Variants in KCNC2 observed in about 807,000 individuals in gnomAD.
KCNC2 encodes the protein potassium voltage-gated channel subfamily C member 2, also known as voltage-gated potassium channel KCNC2.
A neutral mutation model predicts 44.5 loss-of-function variants in KCNC2; 21 were observed. The ratio of observed to expected loss-of-function variants is 0.47; its 90% confidence interval spans 0.33 to 0.68. KCNC2 has a LOEUF of 0.68. Ranked by LOEUF, KCNC2 falls within the 30% of genes least tolerant of loss-of-function variation. KCNC2 has a pLI of 0.01. For synonymous variants in KCNC2, 391 were observed against 339.1 expected, an observed-to-expected ratio of 1.15 and a Z score of -1.68; for missense variants, 589 against 826.2, an observed-to-expected ratio of 0.71 and a Z score of 3.52.
chr12:75,170,111 A>G (rs1002962418), intron 2 of KCNC2, among the ~76,000 whole-genome samples: 2 of 151,768 alleles, frequency 1.3e-5, no homozygotes, highest in Non-Finnish European at 3.0e-5. Context: ...TCTTTTCTCA[A>G]GGTGAAGTCA....
At chr12:75,120,393 C>A (rs555667898) in intron 2 of KCNC2, among the ~76,000 whole-genome samples, 2 of 152,158 alleles carry the variant, frequency 1.3e-5, no homozygotes, top group African/African-American at 4.8e-5. Context: ...CATACCACAA[C>A]CCTATATTCT....
chr12:75,155,280 G>C (rs542914166), intron 2 of KCNC2, among the ~76,000 whole-genome samples: 1 of 151,906 alleles, frequency 6.6e-6, no homozygotes, highest in Non-Finnish European at 1.5e-5. Flanking sequence ...ATGAATTCAA[G>C]TTTTCTCAAG....
chr12:75,070,984 G>A (rs1883342601), intron 2 of KCNC2, among the ~76,000 whole-genome samples: 1 of 151,344 alleles, frequency 6.6e-6, no homozygotes, highest in Non-Finnish European at 1.5e-5. Flanking sequence ...ATCTTGCTCA[G>A]TTTTTTATTT....
At chr12:75,161,193 T>C (rs1003483106) in intron 2 of KCNC2, among the ~76,000 whole-genome samples, 1 of 151,664 alleles carries the variant, frequency 6.6e-6, no homozygotes, top group Non-Finnish European at 1.5e-5. Flanking sequence ...AAAGGTGTCA[T>C]GAAAGCAATA....
At chr12:75,150,643 A>G (rs575581595) in intron 2 of KCNC2, among the ~76,000 whole-genome samples, 41 of 152,044 alleles carry the variant, frequency 2.7e-4, no homozygotes, top group Middle Eastern at 6.8e-3. Flanking sequence ...CAAAGCAAGA[A>G]CATCTCAAAC....
intron 2 of KCNC2, among the ~76,000 whole-genome samples, chr12:75,106,126 A>C (rs918338106): frequency 1.3e-5 from 2 of 152,142 alleles, no homozygotes; most frequent in East Asian, 3.9e-4. Context: ...GGAAAGAATG[A>C]TCAACTGTGT....
At chr12:75,079,586 A>G (rs1209042502) in intron 2 of KCNC2, among the ~76,000 whole-genome samples, 1 of 152,134 alleles carries the variant, frequency 6.6e-6, no homozygotes, top group Non-Finnish European at 1.5e-5. Flanking sequence ...TTTGATCATC[A>G]TAACTGCCCA....
chr12:75,140,443 A>G (rs968920936), intron 2 of KCNC2, among the ~76,000 whole-genome samples: 1 of 152,234 alleles, frequency 6.6e-6, no homozygotes, highest in Non-Finnish European at 1.5e-5. Context: ...AAATATAAGT[A>G]ATTTAATAGT....
chr12:75,142,954 T>C (rs1214891035), intron 2 of KCNC2, among the ~76,000 whole-genome samples: 2 of 152,168 alleles, frequency 1.3e-5, no homozygotes, highest in African/African-American at 2.4e-5. Context: ...CTCGCACTCC[T>C]TTTACTTTAA....
chr12:75,057,003 G>A (rs1311418516), intron 2 of KCNC2, among the ~76,000 whole-genome samples: 1 of 151,938 alleles, frequency 6.6e-6, no homozygotes, highest in Non-Finnish European at 1.5e-5. Flanking sequence ...TATTCCTAAT[G>A]AGAAATCCTA....
intron 2 of KCNC2, among the ~76,000 whole-genome samples, chr12:75,064,591 T>G (rs1882646648): frequency 6.6e-6 from 1 of 152,018 alleles, no homozygotes; most frequent in East Asian, 1.9e-4. Context: ...AATTATTTGT[T>G]GGTATTGTTA....
Position 75,042,683 on chromosome 12 carries a change from A to G in KCNC2, c.*422T>C. ...CCATGCAAATGAGCTGACACAAGTC[A>G]TGTCGTGTGCAATCAAGATAGGATC... On this transcript the variant is annotated 3_prime_UTR_variant, in exon 5 of 5. Transcript: ENST00000549446. 3.3e-6 allele frequency: 4 copies of G among 1,197,338 alleles called. No homozygotes were observed. The highest frequency in any genetic ancestry group is 4.2e-6 in the Non-Finnish European group (4 of 962,582). 74.2% of individuals were successfully genotyped at this position (1,197,338 alleles called of 1,614,324 possible).
intron 2 of KCNC2, among the ~76,000 whole-genome samples, chr12:75,131,768 C>T (rs1026742728): frequency 6.6e-6 from 1 of 152,038 alleles, no homozygotes; most frequent in Non-Finnish European, 1.5e-5. Context: ...TCTACAGGCA[C>T]AAAGAACTGA....
chr12:75,090,007 C>T (rs1202094499), intron 2 of KCNC2, among the ~76,000 whole-genome samples: 1 of 151,648 alleles, frequency 6.6e-6, no homozygotes. Flanking sequence ...TATAATGGTC[C>T]AGTTTAAGAC....
chr12:75,196,127 C>T (rs1014257623), intron 2 of KCNC2, among the ~76,000 whole-genome samples: 27 of 152,122 alleles, frequency 1.8e-4, no homozygotes, highest in Admixed American at 1.3e-4. Flanking sequence ...CTCACTTCTA[C>T]TGCAGATATT....
intron 2 of KCNC2, among the ~76,000 whole-genome samples, chr12:75,111,927 TC>T (rs1329377071): frequency 1.3e-5 from 2 of 151,982 alleles, no homozygotes; most frequent in African/African-American, 4.8e-5. Context: ...TTAAATATTC[TC>T]ATTGATTAAG....
chr12:75,051,426 T>G, intron 2 of KCNC2, 109 bp from the exon 3 acceptor site: 1 of 666,120 alleles, frequency 1.5e-6, no homozygotes, highest in Non-Finnish European at 2.5e-6. Context: ...TAACAGCATA[T>G]TTAGAGGTTT....
Position 75,207,463 on chromosome 12 carries a change from A to T in KCNC2, c.521T>A (p.Leu174His). 6.2e-7 allele frequency: 1 copy of T among 1,611,384 alleles called. No individual in the cohort carries two copies. Among genetic ancestry groups the T allele is most frequent in the Non-Finnish European group, 8.5e-7 (1 of 1,179,242 alleles). ...EALDIFETPD[L>H]IGGDPGDDED... ...GTCGTCGCCGGGGTCGCCGCCAATGAGGTCGGGGGTCTCGAAGATGTCCAG... is the reference window on the plus strand; with the variant it reads ...GTCGTCGCCGGGGTCGCCGCCAATGTGGTCGGGGGTCTCGAAGATGTCCAG... The change falls in exon 2 of 5, where the codon CTC becomes CAC. Residue 174 changes from leucine to histidine, a missense_variant. Coordinates refer to ENST00000549446, the MANE Select transcript of KCNC2 (RefSeq NM_139137.4). This position sits in a 1 kb window ranked among gnomAD's most constrained non-coding sequence, Gnocchi z 4.1.
chr12:75,042,116 T>C lies in KCNC2; in HGVS notation c.*989A>G. 8.0e-7 allele frequency: 1 copy of C among 1,247,322 alleles called. No homozygotes were observed. The allele number at this position is 1,247,322 out of a possible 1,614,324, so 77.3% of individuals were successfully genotyped here. A position where few individuals can be genotyped will look rare whatever the true frequency, so the allele number is the denominator to read the frequency against. On this transcript the variant is annotated 3_prime_UTR_variant, in exon 5 of 5. Transcript: ENST00000549446. The stretch of plus-strand genomic sequence containing the variant: ...GATGTTTGCACAAAAAATTAATAAA[T>C]AAAAATAAAATAAGGGGGTAAAAAA...
Sources: allele counts gnomAD v4.1 joint callset (sites outside exome capture counted in the v4.1 genomes callset), GRCh38; gene constraint gnomAD v4.1.1; non-coding constraint Gnocchi (gnomAD v3.1); transcripts MANE v1.5; gene names NCBI Gene and HGNC (gene_info 2026-07-23, HGNC 2026-07-21).